SHLD2: variants seen among roughly 807,000 people sequenced by gnomAD.
The protein encoded by SHLD2 is shieldin complex subunit 2.
In SHLD2, 30 loss-of-function variants were observed where a neutral mutation model predicts 73.2. That is an observed-to-expected ratio of 0.41 (90% CI 0.31 to 0.56). The LOEUF is 0.56. Ranked by LOEUF, SHLD2 falls within the 20% of genes least tolerant of loss-of-function variation. SHLD2 has a pLI of 0.28. For synonymous variants in SHLD2, 285 were observed against 370.1 expected (o/e 0.77, Z 2.64); for missense variants, 745 against 1,055.9 (o/e 0.71, Z 4.08).
At chr10:87,102,809 C>T (rs909862629) in intron 2 of SHLD2, among the ~76,000 whole-genome samples, 4 of 152,066 alleles carry the variant, frequency 2.6e-5, no homozygotes, top group Non-Finnish European at 5.9e-5. Context: ...CCTTGGCCTC[C>T]CAAAGTGTTG....
At chr10:87,112,526 C>T (rs570751197) in intron 2 of SHLD2, among the ~76,000 whole-genome samples, 32 of 151,164 alleles carry the variant, frequency 2.1e-4, no homozygotes, top group East Asian at 1.6e-3. Flanking sequence ...TCCAGCTAGT[C>T]GAGAAGCTGA....
rs1193597563 is a variant in SHLD2, at chr10:87,162,258, A to T, written c.1633+4103A>T. 2.0e-5 allele frequency among the ~76,000 whole-genome samples: 3 copies of T among 152,384 alleles called. No individual in the cohort carries two copies. The East Asian group carries it at 5.8e-4, about 29-fold the overall frequency. ...TCCAGGGGCAGTAGAAGATAAACTG[A>T]TACATTTTACTATAGAAAAATAAAT... On this transcript the variant is annotated intron_variant, in intron 4 of 9. Coordinates refer to ENST00000298786, the MANE Select transcript of SHLD2 (RefSeq NM_001330112.2).
At chr10:87,168,742 T>C (rs1847381319) in intron 4 of SHLD2, among the ~76,000 whole-genome samples, 1 of 152,128 alleles carries the variant, frequency 6.6e-6, no homozygotes, top group Non-Finnish European at 1.5e-5. Flanking sequence ...TGGCTACTCA[T>C]GGACATAGAG....
rs1589693033 is a variant in SHLD2, at chr10:87,190,494, A to T, written c.2526A>T (p.Ser842=). The stretch of plus-strand genomic sequence containing the variant: ...TTTTGTCTTTTGCAGTTCCTTCCTC[A>T]GAGATCACCTATGGGATGGTCGTGG... ...DCLNRVIVPS[S]EITYGMVVAD... is the part of the protein sequence containing the mutation. Residue 842 remains serine, a synonymous_variant, in exon 10 of 10, where the codon TCA becomes TCT. Transcript: ENST00000298786. 2 of 1,611,754 alleles carry T rather than the reference A, an allele frequency of 1.2e-6. No homozygotes were observed. The highest frequency in any genetic ancestry group is 4.5e-5 in the East Asian group (2 of 44,886).
intron 4 of SHLD2, among the ~76,000 whole-genome samples, chr10:87,169,328 G>A (rs527798531): frequency 9.6e-4 from 146 of 152,266 alleles, no homozygotes; most frequent in Admixed American, 1.6e-3. Context: ...GTAGTATTAC[G>A]TGTGGTTTTA....
chr10:87,155,153 T>A (rs1846319813), intron 3 of SHLD2, among the ~76,000 whole-genome samples: 1 of 78,346 alleles, frequency 1.3e-5, no homozygotes, highest in Non-Finnish European at 3.1e-5. Context: ...GCCAGGATGG[T>A]CTCGATATCC....
intron 4 of SHLD2, among the ~76,000 whole-genome samples, chr10:87,159,551 A>G (rs1314821949): frequency 1.3e-5 from 2 of 152,232 alleles, no homozygotes; most frequent in Admixed American, 6.5e-5. Context: ...AAGGGTTAAG[A>G]TACAGAATGC....
chr10:87,105,334 G>A (rs1842529180), intron 2 of SHLD2, among the ~76,000 whole-genome samples: 1 of 152,180 alleles, frequency 6.6e-6, no homozygotes, highest in South Asian at 2.1e-4. Flanking sequence ...GACCATTCTA[G>A]AGGTGTTGCA....
chr10:87,120,512 G>T (rs995092079), intron 2 of SHLD2, among the ~76,000 whole-genome samples: 2 of 151,914 alleles, frequency 1.3e-5, no homozygotes, highest in African/African-American at 4.8e-5. Flanking sequence ...CTCCCAAAGT[G>T]CTGGGATTAC....
In SHLD2 at chr10:87,132,552, ATCACT is replaced by A. The variant is rs1302402761; in HGVS notation, c.-5-18796_-5-18792del. 2.6e-5 allele frequency among the ~76,000 whole-genome samples: 4 copies of A among 152,260 alleles called. No homozygotes were observed. In the East Asian group the frequency reaches 7.7e-4, roughly 29 times the overall value. The stretch of plus-strand genomic sequence containing the variant: ...CACTTTGGGAGGCTTAGGTGGATGG[ATCACT>A]TGAGCTCAGGAGTTTGAGACCAGCC... On this transcript the variant is annotated intron_variant, in intron 2 of 9. Transcript: ENST00000298786.
chr10:87,119,982 A>G (rs1294040839), intron 2 of SHLD2, among the ~76,000 whole-genome samples: 2 of 152,162 alleles, frequency 1.3e-5, no homozygotes, highest in Admixed American at 1.3e-4. Flanking sequence ...TCACAACAGC[A>G]TCCTGAGCAA....
At chr10:87,128,702 G>A (rs1844211983) in intron 2 of SHLD2, among the ~76,000 whole-genome samples, 1 of 152,096 alleles carries the variant, frequency 6.6e-6, no homozygotes, top group African/African-American at 2.4e-5. Context: ...AAATCATTCT[G>A]GAAGCTTATC....
rs895837765 is a variant in SHLD2 at position 87,157,007 on chromosome 10, C to G, written c.1526-1041C>G. ...AACAGTAGTAGTGGTGGGGCATGGG[C>G]ACATTTAAGCAGCAGAGGGGTAGGT... On this transcript the variant is annotated intron_variant, in intron 3 of 9. Coordinates refer to ENST00000298786, the MANE Select transcript of SHLD2 (RefSeq NM_001330112.2). Among the ~76,000 whole-genome samples the G allele has an allele frequency of 1.8e-4, 28 of 152,088 alleles. No individual in the cohort carries two copies. The East Asian group carries it at 5.0e-3, about 27-fold the overall frequency.
chr10:87,111,034 G>T (rs1240852213), intron 2 of SHLD2, among the ~76,000 whole-genome samples: 2 of 151,962 alleles, frequency 1.3e-5, no homozygotes, highest in Non-Finnish European at 2.9e-5. Flanking sequence ...AGAAGAGATG[G>T]GGTTTCACCA....
At chr10:87,179,637 G>A (rs1281484642) in intron 7 of SHLD2, among the ~76,000 whole-genome samples, 3 of 152,142 alleles carry the variant, frequency 2.0e-5, no homozygotes, top group Non-Finnish European at 4.4e-5. Flanking sequence ...TCCTGACCTC[G>A]TGATCTGCCC....
At chr10:87,139,415 C>G (rs541857942) in intron 2 of SHLD2, among the ~76,000 whole-genome samples, 10 of 147,940 alleles carry the variant, frequency 6.8e-5, no homozygotes, top group African/African-American at 2.5e-4. Context: ...ACTAGGCATA[C>G]AAATAATAAG....
intron 2 of SHLD2, among the ~76,000 whole-genome samples, chr10:87,102,114 C>T (rs1278786832): frequency 2.6e-5 from 4 of 152,022 alleles, no homozygotes; most frequent in East Asian, 3.8e-4. Context: ...ATTGCATGGA[C>T]GCACCATAAT....
At chr10:87,189,310 T>G (rs909266243) in intron 9 of SHLD2, among the ~76,000 whole-genome samples, 1 of 152,254 alleles carries the variant, frequency 6.6e-6, no homozygotes, top group African/African-American at 2.4e-5. Flanking sequence ...CTATCTCTTC[T>G]TTTTTGCATA....
intron 8 of SHLD2, among the ~76,000 whole-genome samples, chr10:87,183,348 C>A (rs1005369723): frequency 6.6e-6 from 1 of 152,110 alleles, no homozygotes; most frequent in African/African-American, 2.4e-5. Context: ...TAAAGAAATG[C>A]AATTTGCAAG....
Sources: allele counts gnomAD v4.1 joint callset (sites outside exome capture counted in the v4.1 genomes callset), GRCh38; gene constraint gnomAD v4.1.1; transcripts MANE v1.5; gene names NCBI Gene and HGNC (gene_info 2026-07-23, HGNC 2026-07-21).